The following ADGRL3 variants were observed in gnomAD, a reference collection of about 807,000 sequenced individuals.
ADGRL3 encodes adhesion G protein-coupled receptor L3, also known as calcium-independent alpha-latrotoxin receptor 3.
A neutral mutation model predicts 153.5 loss-of-function variants in ADGRL3; 62 were observed. The observed-to-expected ratio is 0.40, with a 90% CI of 0.33 to 0.50. The LOEUF (loss-of-function observed/expected upper bound fraction) is 0.50. Among genes scored for constraint, ADGRL3 ranks in the 20% least tolerant of loss-of-function variants. The probability of loss-of-function intolerance (pLI) is 0.47; values close to 1 mark genes in which losing one functional copy is unlikely to be tolerated. For missense variants in ADGRL3, 1,641 were observed against 1,859.4 expected, an observed-to-expected ratio of 0.88 and a Z score of 2.16; for synonymous variants, 710 against 672.5, an observed-to-expected ratio of 1.06 and a Z score of -0.86.
At chr4:61,457,594 T>C (rs1299952932) in intron 2 of ADGRL3, among the ~76,000 whole-genome samples, 1 of 151,952 alleles carries the variant, frequency 6.6e-6, no homozygotes, top group Non-Finnish European at 1.5e-5. Flanking sequence ...TTAATTTACA[T>C]TTTTAATCCC....
At chr4:61,568,059 A>G (rs1497907) in intron 4 of ADGRL3, among the ~76,000 whole-genome samples, 93,823 of 151,894 alleles carry the variant, frequency 0.62, 30,609 homozygotes, top group African/African-American at 0.83. Flanking sequence ...CCCTTATTGT[A>G]GTGCCTTATA....
chr4:62,048,144 G>T (rs974304600), intron 25 of ADGRL3, among the ~76,000 whole-genome samples: 3 of 152,088 alleles, frequency 2.0e-5, no homozygotes, highest in Non-Finnish European at 4.4e-5. Flanking sequence ...TTCTGGTAGT[G>T]GTGGAAAGGA....
chr4:61,311,565 G>C (rs570862612), intron 1 of ADGRL3, among the ~76,000 whole-genome samples: 1 of 152,268 alleles, frequency 6.6e-6, no homozygotes, highest in South Asian at 2.1e-4. Context: ...TTTGCCCTCA[G>C]TGGCACTGTC....
intron 6 of ADGRL3, among the ~76,000 whole-genome samples, chr4:61,724,095 A>G (rs1277381289): frequency 6.6e-6 from 1 of 152,166 alleles, no homozygotes; most frequent in Non-Finnish European, 1.5e-5. Context: ...ATAAACACGC[A>G]TATTTAGTCT....
At chr4:61,672,346 A>G (rs1291915963) in intron 5 of ADGRL3, among the ~76,000 whole-genome samples, 1 of 152,086 alleles carries the variant, frequency 6.6e-6, no homozygotes, top group Non-Finnish European at 1.5e-5. Flanking sequence ...ACATTTGTTG[A>G]AAATTAATTG....
chr4:61,270,410 T>A (rs1292334052), intron 1 of ADGRL3, among the ~76,000 whole-genome samples: 1 of 151,814 alleles, frequency 6.6e-6, no homozygotes, highest in Admixed American at 6.6e-5. Context: ...AACACCAGTA[T>A]TTCCCACACT....
At chr4:61,808,537 A>G (rs2097574978) in intron 8 of ADGRL3, among the ~76,000 whole-genome samples, 1 of 152,198 alleles carries the variant, frequency 6.6e-6, no homozygotes. Context: ...GATAGGTATC[A>G]AATTGACTTT....
intron 1 of ADGRL3, among the ~76,000 whole-genome samples, chr4:61,321,353 C>T (rs1199048447): frequency 1.3e-5 from 2 of 152,020 alleles, no homozygotes; most frequent in Admixed American, 6.6e-5. Context: ...CTGGCAAGGA[C>T]TTTGAATTGT....
intron 5 of ADGRL3, among the ~76,000 whole-genome samples, chr4:61,674,291 T>A (rs972144643): frequency 6.6e-6 from 1 of 151,674 alleles, no homozygotes; most frequent in Non-Finnish European, 1.5e-5. Context: ...GTGCAACATA[T>A]TCTTCCATAA....
chr4:61,407,002 G>T (rs989515449), intron 2 of ADGRL3, among the ~76,000 whole-genome samples: 1 of 151,914 alleles, frequency 6.6e-6, no homozygotes, highest in South Asian at 2.1e-4. Context: ...TTATGGATAC[G>T]ATTAACTTAG....
intron 8 of ADGRL3, among the ~76,000 whole-genome samples, chr4:61,763,858 A>T (rs931431019): frequency 1.3e-5 from 2 of 152,152 alleles, no homozygotes; most frequent in African/African-American, 2.4e-5. Context: ...GCTAACCAAC[A>T]TTTTAACTTA....
At chr4:61,222,747 A>G (rs1198042818) in intron 1 of ADGRL3, among the ~76,000 whole-genome samples, 1 of 152,206 alleles carries the variant, frequency 6.6e-6, no homozygotes, top group Non-Finnish European at 1.5e-5. Flanking sequence ...AACCCAGACT[A>G]CAAAGTGAAT....
chr4:61,645,924 A>G lies in ADGRL3; in HGVS notation c.474-30902A>G, dbSNP rs148352916. Among the ~76,000 whole-genome samples, 617 of 152,276 alleles carry G rather than the reference A, an allele frequency of 4.1e-3. 3 individuals are homozygous for G. The highest frequency in any genetic ancestry group is 0.013 in the African/African-American group (544 of 41,550). ...TCTCCCCATCACTTTCAGGTACACC[A>G]ATCAGACATGGATTTGGTTTTTTCA... On this transcript the variant is annotated intron_variant, in intron 5 of 26. Coordinates refer to ENST00000683033, the MANE Select transcript of ADGRL3 (RefSeq NM_001387552.1).
chr4:61,538,446 G>T (rs963673238), intron 4 of ADGRL3, among the ~76,000 whole-genome samples: 6 of 151,938 alleles, frequency 3.9e-5, no homozygotes, highest in Non-Finnish European at 7.4e-5. Context: ...TTGTTTGTTT[G>T]TTTTTTTGTT....
rs948329814 is a variant in ADGRL3, at chr4:61,801,664, G to T, written c.1400-12145G>T. ...AGCCTCGTGGTATAAGGCATCAATT[G>T]CTCCTTCTATACCAAAAGAGGATAT... On this transcript the variant is annotated intron_variant, in intron 8 of 26. Coordinates refer to ENST00000683033, the MANE Select transcript of ADGRL3 (RefSeq NM_001387552.1). Among the ~76,000 whole-genome samples, 7 of 152,134 alleles carry T rather than the reference G, an allele frequency of 4.6e-5. No homozygotes were observed. In the South Asian group the frequency reaches 1.2e-3, roughly 27 times the overall value.
At chr4:61,311,891 C>T (rs564621178) in intron 1 of ADGRL3, among the ~76,000 whole-genome samples, 116 of 152,172 alleles carry the variant, frequency 7.6e-4, no homozygotes, top group African/African-American at 2.6e-3. Flanking sequence ...CCATGGGCTT[C>T]AGGTGATAAG....
At chr4:61,342,083 G>A (rs1470159839) in intron 1 of ADGRL3, among the ~76,000 whole-genome samples, 5 of 151,974 alleles carry the variant, frequency 3.3e-5, no homozygotes, top group Non-Finnish European at 7.4e-5. Flanking sequence ...TAAGAAAAAA[G>A]CTTTATAATC....
chr4:61,711,289 T>G (rs1194739585), intron 6 of ADGRL3, among the ~76,000 whole-genome samples: 1 of 151,540 alleles, frequency 6.6e-6, no homozygotes, highest in Non-Finnish European at 1.5e-5. Context: ...TGTATCTCAC[T>G]GCACTAGTTA....
chr4:61,425,943 C>T (rs2097274199), intron 2 of ADGRL3, among the ~76,000 whole-genome samples: 1 of 152,182 alleles, frequency 6.6e-6, no homozygotes, highest in Non-Finnish European at 1.5e-5. Context: ...TACCATTCGT[C>T]CCCATATCTA....
Sources: gnomAD v4.1 joint callset for allele counts (sites outside exome capture counted in the v4.1 genomes callset) on GRCh38, gnomAD v4.1.1 for gene constraint, MANE v1.5 for transcripts, NCBI Gene and HGNC (gene_info 2026-07-23, HGNC 2026-07-21) for gene names.